Variants in VPS33B observed in about 807,000 individuals in gnomAD.
The protein encoded by VPS33B is vacuolar protein sorting-associated protein 33B.
In VPS33B, 80 loss-of-function variants were observed where a neutral mutation model predicts 95.3. That is an observed-to-expected ratio of 0.84 (90% CI 0.70 to 1.01). The LOEUF (loss-of-function observed/expected upper bound fraction) is 1.01. Ranked by LOEUF, VPS33B falls within the 50% of genes least tolerant of loss-of-function variation. The pLI is 0.00. For missense variants in VPS33B, 715 were observed against 773.4 expected, an observed-to-expected ratio of 0.92 and a Z score of 0.90; for synonymous variants, 280 against 280.4, an observed-to-expected ratio of 1.00 and a Z score of 0.01.
Position 91,006,660 on chromosome 15 carries a change from A to G in VPS33B, c.770T>C (p.Ile257Thr), listed in dbSNP as rs2040613868. 1 of 1,614,092 alleles carries G rather than the reference A, an allele frequency of 6.2e-7. No individual in the cohort carries two copies. Among genetic ancestry groups the G allele is most frequent in the Non-Finnish European group, 8.5e-7 (1 of 1,180,042 alleles). The change falls in exon 10 of 23, where the codon ATC (isoleucine) becomes ACC (threonine). Residue 257 changes from isoleucine to threonine, a missense_variant. Physicochemically the swap from Ile to Thr is moderately conservative, Grantham distance 89 (BLOSUM62 -1). Transcript: ENST00000333371. The surrounding 1 kb of genome is among the most constrained non-coding windows in gnomAD (Gnocchi z 5.4). ...AGGACCATAGCACTTACCACACTTGATGCGGAAGGTGTCATCTACTAGGCC... is the reference window on the plus strand; with the variant it reads ...AGGACCATAGCACTTACCACACTTGGTGCGGAAGGTGTCATCTACTAGGCC... ...YEGLVDDTFR[I>T]KCGSVDFGPE...
rs774401471 is a variant in VPS33B, at chr15:91,005,133, G to C, written c.1106-14C>G. ...CCTCTAGCAGTGCTGTGAGTAATCA[G>C]AGGAGAGCCTGTTACTGGGGGCCAG... On this transcript the variant is annotated splice_polypyrimidine_tract_variant and intron_variant, in intron 14 of 22. Transcript: ENST00000333371. The surrounding 1 kb of genome is among the most constrained non-coding windows in gnomAD (Gnocchi z 6.4). 6 of 1,614,166 alleles carry C rather than the reference G, an allele frequency of 3.7e-6. No individual in the cohort carries two copies. In the South Asian group the frequency reaches 6.6e-5, roughly 18 times the overall value.
Position 91,007,274 on chromosome 15 carries a change from A to C in VPS33B, c.603+195T>G, listed in dbSNP as rs993702852. On this transcript the variant is annotated intron_variant, in intron 8 of 22. Coordinates refer to ENST00000333371, the MANE Select transcript of VPS33B (RefSeq NM_018668.5). The surrounding 1 kb of genome is among the most constrained non-coding windows in gnomAD (Gnocchi z 5.3). ...TCCCCAAAATAAAAAGAGATTTAGG[A>C]ATGCTACCCAGGAGATCCTGGCTTT... is the stretch of plus-strand genomic sequence containing the variant. 3.3e-5 allele frequency among the ~76,000 whole-genome samples: 5 copies of C among 152,242 alleles called. No individual in the cohort carries two copies. The highest frequency in any genetic ancestry group is 2.9e-5 in the Non-Finnish European group (2 of 68,044).
chr15:90,998,615 A>C, downstream of VPS33B: 3 of 361,898 alleles, frequency 8.3e-6, no homozygotes, highest in South Asian at 6.6e-5. This position sits in a 1 kb window ranked among gnomAD's most constrained non-coding sequence, Gnocchi z 4.8. Flanking sequence ...CCCTGTAGCA[A>C]GCTCCAATGG....
Position 91,009,920 on chromosome 15 carries a change from G to T in VPS33B, c.358-74C>A. The T allele has an allele frequency of 6.4e-7, 1 of 1,560,306 alleles. No homozygotes were observed. The highest frequency in any genetic ancestry group is 1.4e-5 in the African/African-American group (1 of 73,738). ...CTCCATTTCTCTGGAGTTCCTCTGT[G>T]GTCACTGATGAGGACAATAATTGCC... On this transcript the variant is annotated intron_variant, in intron 5 of 22. Transcript: ENST00000333371. The surrounding 1 kb of genome is among the most constrained non-coding windows in gnomAD (Gnocchi z 4.1).
Position 91,006,498 on chromosome 15 carries a change from C to T in VPS33B, c.779-53G>A. ...GATCTCCAATGAGGACTTCTCCTAC[C>T]ATTCCCTGAACTGCCATAAAGGTCC... On this transcript the variant is annotated intron_variant, in intron 10 of 22. Transcript: ENST00000333371. This position sits in a 1 kb window ranked among gnomAD's most constrained non-coding sequence, Gnocchi z 5.4. 1 of 1,613,020 alleles carries T rather than the reference C, an allele frequency of 6.2e-7. No homozygotes were observed. Among genetic ancestry groups the T allele is most frequent in the Non-Finnish European group, 8.5e-7 (1 of 1,179,018 alleles).
Position 91,011,926 on chromosome 15 carries a change from T to C in VPS33B, c.357+1878A>G, listed in dbSNP as rs1596363640. On this transcript the variant is annotated intron_variant, in intron 5 of 22. Coordinates refer to ENST00000333371, the MANE Select transcript of VPS33B (RefSeq NM_018668.5). The surrounding 1 kb of genome is among the most constrained non-coding windows in gnomAD (Gnocchi z 5.5). ...ATTGCTTGAACCTGGGAGGCGGAGG[T>C]TGCAGTGAGTCGAGATTGCGGCACT... is the stretch of plus-strand genomic sequence containing the variant. Among the ~76,000 whole-genome samples, 1 of 151,924 alleles carries C rather than the reference T, an allele frequency of 6.6e-6. No individual in the cohort carries two copies. The highest frequency in any genetic ancestry group is 2.1e-4 in the South Asian group (1 of 4,804).
At chr15:91,003,161 TGAGA>T (rs771756804) in intron 16 of VPS33B, 30 bp from the exon 17 acceptor site, 2 of 1,613,388 alleles carry the variant, frequency 1.2e-6, no homozygotes, top group East Asian at 2.2e-5. Flanking sequence ...GACAGGTGCA[TGAGA>T]AAGAGGCCGG....
chr15:91,001,309 C>CAAAAAAAAAAAAAAAAAAA, intron 19 of VPS33B, 80 bp downstream of exon 19: 1 of 771,972 alleles, frequency 1.3e-6, no homozygotes, highest in Non-Finnish European at 2.0e-6. Flanking sequence ...GATTCCATCT[C>CAAAAAAAAAAAAAAAAAAA]AAAAAAAAAA....
At chr15:91,017,416 ATATATAT>A in intron 2 of VPS33B, among the ~76,000 whole-genome samples, 1 of 108,260 alleles carries the variant, frequency 9.2e-6, no homozygotes, top group African/African-American at 3.5e-5. Context: ...ATATATATAT[ATATATAT>A]TCTGTAGTAA....
At position 91,010,380 on chromosome 15, in the gene VPS33B, C is replaced by T. The variant is rs185398388; in HGVS notation, c.358-534G>A. On this transcript the variant is annotated intron_variant, in intron 5 of 22. Transcript: ENST00000333371. This position sits in a 1 kb window ranked among gnomAD's most constrained non-coding sequence, Gnocchi z 5.7. ...CTTTGGAAGGCCGAGGCAGGTGAAT[C>T]GCTTGAGCCCAGAAGTTCTAGACCA... Among the ~76,000 whole-genome samples, 41 of 152,306 alleles carry T rather than the reference C, an allele frequency of 2.7e-4. No individual in the cohort carries two copies. The highest frequency in any genetic ancestry group is 8.2e-4 in the African/African-American group (34 of 41,562).
intron 3 of VPS33B, 101 bp downstream of exon 3, chr15:91,016,862 G>A (rs2012355675): frequency 7.1e-6 from 8 of 1,119,334 alleles, no homozygotes; most frequent in Non-Finnish European, 9.6e-6. Context: ...AAAGTTCAGG[G>A]AGGTGAACCA....
chr15:91,008,357 T>C (rs1440401454), intron 6 of VPS33B, among the ~76,000 whole-genome samples: 2 of 152,164 alleles, frequency 1.3e-5, no homozygotes, highest in African/African-American at 4.8e-5. Flanking sequence ...CTCCGCCTCC[T>C]GGGTTCAAGC....
chr15:91,003,004 C>A, intron 17 of VPS33B, 81 bp downstream of exon 17: 3 of 1,473,934 alleles, frequency 2.0e-6, no homozygotes, highest in Non-Finnish European at 2.9e-6. Flanking sequence ...AGGAAAGGGG[C>A]CACTTCTCTT....
At chr15:91,014,574 TCCA>T in intron 3 of VPS33B, 141 bp from the exon 4 acceptor site, 1 of 904,952 alleles carries the variant, frequency 1.1e-6, no homozygotes, top group Non-Finnish European at 1.8e-6. Flanking sequence ...ATTCTCTTGG[TCCA>T]CCATATACCA....
chr15:91,019,138 T>TTTTTTTTTTTTG (rs1555460754), intron 1 of VPS33B, among the ~76,000 whole-genome samples: 1 of 112,100 alleles, frequency 8.9e-6, no homozygotes, highest in African/African-American at 4.3e-5. Flanking sequence ...TTTTTTTTTT[T>TTTTTTTTTTTTG]TAAAGATAGA....
In VPS33B at chr15:91,006,014, A is replaced by C; in HGVS notation, c.898T>G (p.Phe300Val). 6.2e-7 allele frequency: 1 copy of C among 1,614,210 alleles called. No homozygotes were observed. Among genetic ancestry groups the C allele is most frequent in the African/African-American group, 1.3e-5 (1 of 75,056 alleles). ...AAGTTCCGGGCCTTCTGGCTCAAGA[A>C]GCCAAAGACATTGGAGAAGTGCTCG... Reference protein sequence around the residue: ...RNEHFSNVFGFLSQKARNLQA... With the variant: ...RNEHFSNVFGVLSQKARNLQA... The change falls in exon 12 of 23, where the codon TTC becomes GTC. Residue 300 changes from phenylalanine to valine, a missense_variant. Physicochemically the swap from Phe to Val is conservative, Grantham distance 50 (BLOSUM62 -1). Coordinates refer to ENST00000333371, the MANE Select transcript of VPS33B (RefSeq NM_018668.5). This position sits in a 1 kb window ranked among gnomAD's most constrained non-coding sequence, Gnocchi z 5.4.
intron 3 of VPS33B, among the ~76,000 whole-genome samples, chr15:91,016,026 G>A (rs898274824): frequency 2.0e-5 from 3 of 152,028 alleles, no homozygotes; most frequent in African/African-American, 4.8e-5. Context: ...CATGCCGAGC[G>A]AACAGGACAA....
rs1381438704 is a variant in VPS33B at position 91,009,596 on chromosome 15, G to A, written c.403+205C>T. On this transcript the variant is annotated intron_variant, in intron 6 of 22. Transcript: ENST00000333371. The surrounding 1 kb of genome is among the most constrained non-coding windows in gnomAD (Gnocchi z 4.1). Reference sequence around the variant, plus strand: ...GCTGGGATTACAGGCATGAGCCACTGCGCCCAGCCCCCAGTAGTGTTCTAA... The same window carrying A: ...GCTGGGATTACAGGCATGAGCCACTACGCCCAGCCCCCAGTAGTGTTCTAA... Among the ~76,000 whole-genome samples the A allele has an allele frequency of 6.6e-6, 1 of 151,844 alleles. No homozygotes were observed. Among genetic ancestry groups the A allele is most frequent in the Non-Finnish European group, 1.5e-5 (1 of 67,978 alleles).
chr15:91,014,404 T>C lies in VPS33B; in HGVS notation c.269A>G (p.Lys90Arg). 1 of 1,614,000 alleles carries C rather than the reference T, an allele frequency of 6.2e-7. No homozygotes were observed. The highest frequency in any genetic ancestry group is 8.5e-7 in the Non-Finnish European group (1 of 1,180,004). Reference protein sequence around the residue: ...QLCFLVRPRIKNMRYIASLVN... With the variant: ...QLCFLVRPRIRNMRYIASLVN... The stretch of plus-strand genomic sequence containing the variant: ...CTCACTGGCAATGTATCGCATATTC[T>C]TGATGCGGGGTCTGACCAAGAAGCA... The change falls in exon 4 of 23, where the codon AAG (lysine) becomes AGG (arginine). Residue 90 changes from lysine to arginine, a missense_variant. Lys to Arg is a conservative substitution (Grantham distance 26). Transcript: ENST00000333371.
Sources: allele counts gnomAD v4.1 joint callset (sites outside exome capture counted in the v4.1 genomes callset), GRCh38; gene constraint gnomAD v4.1.1; non-coding constraint Gnocchi (gnomAD v3.1); transcripts MANE v1.5; gene names NCBI Gene and HGNC (gene_info 2026-07-23, HGNC 2026-07-21).